The following KANSL3 variants were observed in gnomAD, a reference collection of about 807,000 sequenced individuals.
The protein encoded by KANSL3 is KAT8 regulatory NSL complex subunit 3.
Under a neutral mutation model 89.2 loss-of-function variants are expected in KANSL3, and 16 were observed. The observed-to-expected ratio is 0.18, with a 90% CI of 0.12 to 0.27. KANSL3 has a LOEUF of 0.27. Ranked by LOEUF, KANSL3 falls within the 10% of genes least tolerant of loss-of-function variation. The probability of loss-of-function intolerance (pLI) is 1.00; values close to 1 mark genes in which losing one functional copy is unlikely to be tolerated. For synonymous variants in KANSL3, 385 were observed against 419.7 expected (o/e 0.92, Z 1.01); for missense variants, 879 against 1,110.6 (o/e 0.79, Z 2.96).
At chr2:96,632,303 A>C (rs910680373) in intron 2 of KANSL3, among the ~76,000 whole-genome samples, 9 of 152,086 alleles carry the variant, frequency 5.9e-5, no homozygotes, top group Admixed American at 3.3e-4. Context: ...CCCGTCTCTA[A>C]AACAAACACA....
chr2:96,610,596 T>G (rs1010696365), intron 11 of KANSL3, 130 bp downstream of exon 11: 114 of 1,000,978 alleles, frequency 1.1e-4, no homozygotes, highest in African/African-American at 1.5e-4. Flanking sequence ...ATTACAGGCG[T>G]GAGCCACCGC....
rs1201740925 is a variant in KANSL3, at chr2:96,619,372, G to A, written c.650C>T (p.Thr217Met). The change falls in exon 5 of 21, where the codon ACG becomes ATG. Residue 217 changes from threonine (T) to methionine (M), a missense_variant. Transcript: ENST00000431828. ...TCACAGCCTTACCTTCCCCTTCAGC[G>A]TCTGCAAAGCATCCAGGTAGGCTGC... ...MLAAYLDALQ[T>M]LKGKIPTLID... 3.1e-6 allele frequency: 5 copies of A among 1,611,766 alleles called. No individual in the cohort carries two copies. Among genetic ancestry groups the A allele is most frequent in the Admixed American group, 1.7e-5 (1 of 59,856 alleles).
intron 14 of KANSL3, 45 bp from the exon 15 acceptor site, chr2:96,605,556 C>A: frequency 6.6e-7 from 1 of 1,514,680 alleles, no homozygotes; most frequent in Non-Finnish European, 9.1e-7. Flanking sequence ...TCCAAAAAAT[C>A]CCAACAGACA....
chr2:96,589,060 TA>T (rs1048437828), downstream of KANSL3, among the ~76,000 whole-genome samples: 2 of 152,080 alleles, frequency 1.3e-5, no homozygotes, highest in African/African-American at 4.8e-5. Context: ...GAGCAACCAC[TA>T]AAAAACTATA....
downstream of KANSL3, among the ~76,000 whole-genome samples, chr2:96,592,949 G>A (rs567712258): frequency 6.6e-6 from 1 of 151,894 alleles, no homozygotes; most frequent in African/African-American, 2.4e-5. Context: ...GTTGCAGTTA[G>A]CCAAGATCGC....
At position 96,606,535 on chromosome 2, in the gene KANSL3, C is replaced by T. The variant is rs549988332; in HGVS notation, c.1742-1024G>A. 24 of 161,132 alleles carry T rather than the reference C, an allele frequency of 1.5e-4. No homozygotes were observed. In the South Asian group the frequency reaches 4.0e-3, roughly 27 times the overall value. The allele number at this position is 161,132 out of a possible 1,614,324, so 10.0% of individuals were successfully genotyped here. On this transcript the variant is annotated intron_variant, in intron 14 of 20. Coordinates refer to ENST00000431828, the MANE Select transcript of KANSL3 (RefSeq NM_001115016.3). ...AAGGATTGCTTAGGGGACAAATGCA[C>T]TGGCTAAAATCAGAGTAGGAAGGAG...
intron 15 of KANSL3, among the ~76,000 whole-genome samples, chr2:96,605,069 G>A (rs2067778117): frequency 6.6e-6 from 1 of 152,120 alleles, no homozygotes; most frequent in Non-Finnish European, 1.5e-5. Flanking sequence ...TTTAATTGAA[G>A]CCAACAAAAA....
chr2:96,634,238 C>T (rs2073920284), intron 2 of KANSL3: 1 of 152,168 alleles, frequency 6.6e-6, no homozygotes, highest in African/African-American at 2.4e-5. Context: ...AAAATGAGAT[C>T]TAGCTGGGCA....
At chr2:96,635,682 C>T (rs2106293886) in intron 2 of KANSL3, among the ~76,000 whole-genome samples, 1 of 152,196 alleles carries the variant, frequency 6.6e-6, no homozygotes, top group East Asian at 1.9e-4. Context: ...AGACACTATT[C>T]TGCACATGTT....
intron 5 of KANSL3, among the ~76,000 whole-genome samples, chr2:96,618,291 A>G (rs763654176): frequency 3.3e-5 from 5 of 152,044 alleles, no homozygotes; most frequent in African/African-American, 2.4e-5. Context: ...TGAACTCACT[A>G]CAGCCTCCTC....
intron 9 of KANSL3, among the ~76,000 whole-genome samples, chr2:96,611,457 C>T (rs1214549966): frequency 6.6e-6 from 1 of 152,162 alleles, no homozygotes; most frequent in Non-Finnish European, 1.5e-5. Flanking sequence ...TTTTTCTCCA[C>T]AAATAGTAAA....
Position 96,607,116 on chromosome 2 carries a change from G to A in KANSL3, c.1741+1392C>T. ...GAAGGGAGAAAAAGAGAGGGAATAA[G>A]AAAAAAGGTTGTAGAAAATGGCCAA... On this transcript the variant is annotated intron_variant, in intron 14 of 20. Transcript: ENST00000431828. The A allele has an allele frequency of 8.7e-6, 9 of 1,029,596 alleles. No homozygotes were observed. In the Admixed American group the frequency reaches 1.0e-4, roughly 12 times the overall value. The allele number at this position is 1,029,596 out of a possible 1,614,324, so 63.8% of individuals were successfully genotyped here. A position where few individuals can be genotyped will look rare whatever the true frequency, so the allele number is the denominator to read the frequency against.
At position 96,636,950 on chromosome 2, in the gene KANSL3, G is replaced by A; in HGVS notation, c.186C>T (p.Val62=). The A allele has an allele frequency of 6.5e-7, 1 of 1,545,386 alleles. No homozygotes were observed. The highest frequency in any genetic ancestry group is 8.7e-7 in the Non-Finnish European group (1 of 1,143,254). Residue 62 remains valine, a synonymous_variant, in exon 2 of 21, where the codon GTC becomes GTT. Coordinates refer to ENST00000431828, the MANE Select transcript of KANSL3 (RefSeq NM_001115016.3). ...SSARPTRMLF[V]TPRRQHESTI... is the part of the protein sequence containing the mutation. Reference sequence around the variant, plus strand: ...TACTTTCGTGCTGCCGCCGGGGAGTGACAAAGAGCATGCGGGTGGGGCGGG... The same window carrying A: ...TACTTTCGTGCTGCCGCCGGGGAGTAACAAAGAGCATGCGGGTGGGGCGGG...
downstream of KANSL3, among the ~76,000 whole-genome samples, chr2:96,588,621 C>T (rs1031983585): frequency 6.6e-6 from 1 of 151,904 alleles, no homozygotes; most frequent in Non-Finnish European, 1.5e-5. Context: ...GACGGAGTCT[C>T]GCTCTGTCAC....
At chr2:96,634,555 AAGGGTCCT>A (rs778993827) in intron 2 of KANSL3, among the ~76,000 whole-genome samples, 188 of 151,574 alleles carry the variant, frequency 1.2e-3, no homozygotes, top group Non-Finnish European at 2.2e-3. Context: ...CTAGTGCCCC[AAGGGTCCT>A]TCCCCACTTT....
chr2:96,616,487 C>A (rs886827434), intron 5 of KANSL3, among the ~76,000 whole-genome samples: 1 of 152,202 alleles, frequency 6.6e-6, no homozygotes, highest in Non-Finnish European at 1.5e-5. Context: ...CCCTCTTTAT[C>A]ATAATGGATC....
intron 3 of KANSL3, among the ~76,000 whole-genome samples, chr2:96,622,362 T>C (rs368652395): frequency 2.0e-5 from 3 of 150,192 alleles, no homozygotes; most frequent in Non-Finnish European, 4.4e-5. Context: ...ATCAAGGCTG[T>C]AGTGAGGTAT....
intron 2 of KANSL3, among the ~76,000 whole-genome samples, chr2:96,633,483 G>C (rs1024353730): frequency 2.0e-5 from 3 of 151,632 alleles, no homozygotes; most frequent in Non-Finnish European, 2.9e-5. Context: ...GCAGGAGAAT[G>C]GCGTGAACCC....
At chr2:96,611,336 T>C (rs373376834) in intron 9 of KANSL3, among the ~76,000 whole-genome samples, 198 bp from the exon 10 acceptor site, 6 of 152,256 alleles carry the variant, frequency 3.9e-5, no homozygotes, top group South Asian at 2.1e-4. Flanking sequence ...AAGCAGCCAC[T>C]ACCTAGAGAA....
Sources: gnomAD v4.1 joint callset for allele counts (sites outside exome capture counted in the v4.1 genomes callset) on GRCh38, gnomAD v4.1.1 for gene constraint, MANE v1.5 for transcripts, NCBI Gene and HGNC (gene_info 2026-07-23, HGNC 2026-07-21) for gene names.